OXA1L: variants seen among roughly 807,000 people sequenced by gnomAD.
OXA1L encodes the protein mitochondrial inner membrane protein OXA1L.
OXA1L carries 42 observed loss-of-function variants against 52.2 expected under a neutral mutation model. The observed-to-expected ratio is 0.80, with a 90% confidence interval of 0.63 to 1.04. The LOEUF (loss-of-function observed/expected upper bound fraction) is 1.04, where lower values mean the gene tolerates loss of function less well. Ranked by LOEUF, OXA1L falls within the 50% of genes least tolerant of loss-of-function variation. OXA1L has a pLI of 0.00. For missense variants in OXA1L, 572 were observed against 555.0 expected (o/e 1.03, Z -0.31); for synonymous variants, 239 against 201.9 (o/e 1.18, Z -1.56).
In OXA1L at chr14:22,771,835, A is replaced by G. The variant is rs1308257493; in HGVS notation, c.*277A>G. Reference sequence around the variant, plus strand: ...AGGGAAATCAGTGTGCACTTCAGAAAACTGAAGAATACCCAGCATTTTGGG... The same window carrying G: ...AGGGAAATCAGTGTGCACTTCAGAAGACTGAAGAATACCCAGCATTTTGGG... On this transcript the variant is annotated 3_prime_UTR_variant, in exon 10 of 10. Transcript: ENST00000612549. The G allele has an allele frequency of 2.8e-6, 1 of 362,824 alleles. No individual in the cohort carries two copies. Among genetic ancestry groups the G allele is most frequent in the African/African-American group, 2.1e-5 (1 of 48,546 alleles). The allele number at this position is 362,824 out of a possible 1,614,324, so 22.5% of individuals were successfully genotyped here.
intron 6 of OXA1L, 52 bp downstream of exon 6, chr14:22,770,677 G>C (rs757796114): frequency 1.1e-5 from 18 of 1,582,954 alleles, no homozygotes; most frequent in Middle Eastern, 1.7e-4. Flanking sequence ...TGGGGTTGGA[G>C]GGTAAAGTAG....
chr14:22,771,518 A>G lies in OXA1L; in HGVS notation c.1268A>G (p.Lys423Arg), dbSNP rs554947083. 1.3e-6 allele frequency: 2 copies of G among 1,509,300 alleles called. No homozygotes were observed. The highest frequency in any genetic ancestry group is 1.7e-5 in the Admixed American group (1 of 57,420). 93.5% of individuals were successfully genotyped at this position (1,509,300 alleles called of 1,614,324 possible). Residue 423 changes from lysine to arginine, a missense_variant, in exon 10 of 10, where the codon AAA becomes AGA. Coordinates refer to ENST00000612549, the MANE Select transcript of OXA1L (RefSeq NM_005015.5). Reference protein sequence around the residue: ...NPPNIPSSSSKPKSKYPWHDT... With the variant: ...NPPNIPSSSSRPKSKYPWHDT... ...CCCAATATCCCTAGCAGCAGCAGCA[A>G]ACCAAAGTCAAAGTATCCCTGGCAC...
rs1162518899 is a variant in OXA1L at position 22,772,347 on chromosome 14, G to A, written c.*789G>A. 2.0e-5 allele frequency: 3 copies of A among 150,158 alleles called. No homozygotes were observed. The East Asian group carries it at 6.0e-4, about 30-fold the overall frequency. The allele number at this position is 150,158 out of a possible 1,614,324, so 9.3% of individuals were successfully genotyped here. A position where few individuals can be genotyped will look rare whatever the true frequency, so the allele number is the denominator to read the frequency against. ...AAAAAAAAAAAAAAAAAATTAGCCG[G>A]GCATGGCGGCGGGTGCCTGTATTCC... On this transcript the variant is annotated 3_prime_UTR_variant, in exon 10 of 10. Coordinates refer to ENST00000612549, the MANE Select transcript of OXA1L (RefSeq NM_005015.5).
At position 22,770,247 on chromosome 14, in the gene OXA1L, T is replaced by G. The variant is rs376869377; in HGVS notation, c.638T>G (p.Leu213Arg). The part of the protein sequence containing the change: ...ALYQKKHGIK[L>R]YKPLILPVTQ... ...TACCAGAAAAAACATGGTATTAAAC[T>G]CTATAAACCTCTCATTCTCCCTGTG... The change falls in exon 5 of 10, where the codon CTC (leucine) becomes CGC (arginine). Residue 213 changes from leucine (L) to arginine (R), a missense_variant. This residue lies in a region of OXA1L where 132 missense variants were observed against 124.0 expected (regional missense o/e 1.06). Transcript: ENST00000612549. 1 of 1,611,276 alleles carries G rather than the reference T, an allele frequency of 6.2e-7. No homozygotes were observed. Among genetic ancestry groups the G allele is most frequent in the Non-Finnish European group, 8.5e-7 (1 of 1,177,428 alleles).
rs1277226828 is a variant in OXA1L at position 22,767,382 on chromosome 14, C to T, written c.198C>T (p.Thr66=). ...LAASGPRSLS[T]SAISFAEVQV... ...CTTCCGGCCCCCGCAGCCTCAGTAC[C>T]TCTGCTATCTCTTTTGCAGAAGTCC... The change falls in exon 2 of 10, where the codon ACC becomes ACT. Residue 66 remains threonine, a synonymous_variant. Coordinates refer to ENST00000612549, the MANE Select transcript of OXA1L (RefSeq NM_005015.5). 3 of 1,610,660 alleles carry T rather than the reference C, an allele frequency of 1.9e-6. No homozygotes were observed. The highest frequency in any genetic ancestry group is 2.2e-5 in the South Asian group (2 of 90,758).
In OXA1L at chr14:22,770,533, G is replaced by A. The variant is rs140460370; in HGVS notation, c.742G>A (p.Gly248Ser). 4 of 1,614,054 alleles carry A rather than the reference G, an allele frequency of 2.5e-6. No individual in the cohort carries two copies. The highest frequency in any genetic ancestry group is 2.7e-5 in the African/African-American group (2 of 74,936). Residue 248 changes from glycine (G) to serine (S), a missense_variant, in exon 6 of 10, where the codon GGT becomes AGT. Coordinates refer to ENST00000612549, the MANE Select transcript of OXA1L (RefSeq NM_005015.5). ...ANLPVPSLQTGGLWWFQDLTV... is the reference protein window; with the variant it reads ...ANLPVPSLQTSGLWWFQDLTV... ...CCTTCCTGTGCCCAGCCTGCAGACA[G>A]GTGGCCTCTGGTGGTTCCAGGATCT...
At chr14:22,769,488 T>C (rs1273377601) in intron 3 of OXA1L, among the ~76,000 whole-genome samples, 2 of 152,216 alleles carry the variant, frequency 1.3e-5, no homozygotes, top group Non-Finnish European at 2.9e-5. Flanking sequence ...TATCACCTCA[T>C]TCGAACTGCC....
chr14:22,769,729 C>A, intron 3 of OXA1L, 62 bp from the exon 4 acceptor site: 5 of 1,585,664 alleles, frequency 3.2e-6, no homozygotes, highest in Non-Finnish European at 4.3e-6. Context: ...ACCTAAAAGC[C>A]TTCAACCTTC....
intron 1 of OXA1L, 177 bp from the exon 2 acceptor site, chr14:22,767,070 AG>A: frequency 1.3e-6 from 2 of 1,536,562 alleles, no homozygotes; most frequent in Non-Finnish European, 1.7e-6. Flanking sequence ...TTCGCTCTGC[AG>A]GCACCACCCG....
rs780361361 is a variant in OXA1L at position 22,768,011 on chromosome 14, G to T, written c.279G>T (p.Glu93Asp). 87 of 1,614,088 alleles carry T rather than the reference G, an allele frequency of 5.4e-5. No individual in the cohort carries two copies. The Middle Eastern group carries it at 9.9e-4, about 18-fold the overall frequency. The change falls in exon 3 of 10, where the codon GAG becomes GAT. Residue 93 changes from glutamate (E) to aspartate (D), a missense_variant. Physicochemically the swap from Glu to Asp is conservative, Grantham distance 45. Coordinates refer to ENST00000612549, the MANE Select transcript of OXA1L (RefSeq NM_005015.5). The part of the protein sequence containing the change: ...AATPSPTAVP[E>D]VASGETADVV... ...CTCCCTCACCCACAGCAGTACCTGA[G>T]GTGGCTTCTGGAGAGACTGCAGATG...
intron 3 of OXA1L, 145 bp from the exon 4 acceptor site, chr14:22,769,646 T>G (rs1481932014): frequency 8.7e-6 from 7 of 800,808 alleles, no homozygotes; most frequent in Non-Finnish European, 1.4e-5. Flanking sequence ...TTCATTCCCC[T>G]GACCTTATTT....
rs2038487308 is a variant in OXA1L, at chr14:22,772,504, A to AC, written c.*946_*947insC. On this transcript the variant is annotated 3_prime_UTR_variant, in exon 10 of 10. Transcript: ENST00000612549. ...ACTCCTTCTCAAAAAAAAAAAAAAA[A>AC]AAAAAAAAAAAAAAACAGTTTAAAC... 6 of 143,108 alleles carry AC rather than the reference A, an allele frequency of 4.2e-5. No individual in the cohort carries two copies. Among genetic ancestry groups the AC allele is most frequent in the Admixed American group, 2.1e-4 (3 of 14,446 alleles). 8.9% of individuals were successfully genotyped at this position (143,108 alleles called of 1,614,324 possible).
Position 22,767,949 on chromosome 14 carries a change from T to C in OXA1L, c.226-9T>C, listed in dbSNP as rs533525891. 5 of 1,601,960 alleles carry C rather than the reference T, an allele frequency of 3.1e-6. No individual in the cohort carries two copies. In the South Asian group the frequency reaches 3.3e-5, roughly 11 times the overall value. On this transcript the variant is annotated splice_polypyrimidine_tract_variant and intron_variant, in intron 2 of 9. Coordinates refer to ENST00000612549, the MANE Select transcript of OXA1L (RefSeq NM_005015.5). ...GAATAAATATAATACAAGGCTTTCTTTCACACAGGTTCAGGCCCCTCCTGT... is the reference window on the plus strand; with the variant it reads ...GAATAAATATAATACAAGGCTTTCTCTCACACAGGTTCAGGCCCCTCCTGT...
intron 1 of OXA1L, 51 bp from the exon 2 acceptor site, chr14:22,767,197 G>T (rs1338548060): frequency 6.4e-7 from 1 of 1,573,436 alleles, no homozygotes; most frequent in Admixed American, 1.8e-5. Context: ...GCACCCACGC[G>T]AGGACTTCTG....
rs1306975580 is a variant in OXA1L at position 22,771,813 on chromosome 14, G to A, written c.*255G>A. 2 of 464,660 alleles carry A rather than the reference G, an allele frequency of 4.3e-6. No individual in the cohort carries two copies. Among genetic ancestry groups the A allele is most frequent in the African/African-American group, 1.9e-5 (1 of 51,320 alleles). The allele number at this position is 464,660 out of a possible 1,614,324, so 28.8% of individuals were successfully genotyped here. On this transcript the variant is annotated 3_prime_UTR_variant, in exon 10 of 10. Transcript: ENST00000612549. ...TGCTTCCTGATACTTATTGAACAGG[G>A]AAATCAGTGTGCACTTCAGAAAACT...
Position 22,771,097 on chromosome 14 carries a change from C to G in OXA1L, c.1019C>G (p.Thr340Ser). 1 of 1,614,136 alleles carries G rather than the reference C, an allele frequency of 6.2e-7. No homozygotes were observed. Among genetic ancestry groups the G allele is most frequent in the Non-Finnish European group, 8.5e-7 (1 of 1,179,988 alleles). Reference sequence around the variant, plus strand: ...TGTCTCCGGATTCCAGCAGTACGCACTGTACTTAAAATCCCCCAGCGTGTT... The same window carrying G: ...TGTCTCCGGATTCCAGCAGTACGCAGTGTACTTAAAATCCCCCAGCGTGTT... ...VSCLRIPAVR[T>S]VLKIPQRVVH... Residue 340 changes from threonine (T) to serine (S), a missense_variant, in exon 8 of 10, where the codon ACT becomes AGT. Around this residue, in one of 5 missense-constraint regions of OXA1L, gnomAD observed 244 missense variants for 240.2 expected, o/e 1.02. Transcript: ENST00000612549.
chr14:22,767,934 A>G (rs769007276), intron 2 of OXA1L, 24 bp from the exon 3 acceptor site: 1 of 1,576,740 alleles, frequency 6.3e-7, no homozygotes, highest in Non-Finnish European at 8.7e-7. Flanking sequence ...GAATAAATAT[A>G]ATACAAGGCT....
intron 3 of OXA1L, 32 bp downstream of exon 3, chr14:22,768,203 G>C: frequency 6.5e-7 from 1 of 1,535,830 alleles, no homozygotes; most frequent in South Asian, 1.1e-5. Context: ...CATGGGTTAG[G>C]GATTTAACCT....
intron 4 of OXA1L, 29 bp from the exon 5 acceptor site, chr14:22,770,164 C>G (rs1237191684): frequency 2.0e-6 from 3 of 1,526,942 alleles, no homozygotes; most frequent in Admixed American, 3.3e-5. Context: ...AACTGTTACC[C>G]CAACCATTAA....
Sources: allele counts gnomAD v4.1 joint callset (sites outside exome capture counted in the v4.1 genomes callset), GRCh38; gene constraint gnomAD v4.1.1; regional missense constraint gnomAD v4.1.1; transcripts MANE v1.5; gene names NCBI Gene and HGNC (gene_info 2026-07-23, HGNC 2026-07-21).